ZNF787: variants seen among roughly 807,000 people sequenced by gnomAD.
ZNF787 encodes the protein zinc finger protein 787.
Under a neutral mutation model 16.9 loss-of-function variants are expected in ZNF787, and 7 were observed. That is an observed-to-expected ratio of 0.42 (90% CI 0.24 to 0.78). The LOEUF is 0.78. Among genes scored for constraint, ZNF787 ranks in the 30% least tolerant of loss-of-function variants. The pLI is 0.30. For synonymous variants in ZNF787, 345 were observed against 270.9 expected (o/e 1.27, Z -2.69); for missense variants, 551 against 589.3 (o/e 0.94, Z 0.67).
rs1285729721 is a variant in ZNF787 at position 56,088,062 on chromosome 19, G to A, written c.1110C>T (p.Gly370=). 9 of 1,124,678 alleles carry A rather than the reference G, an allele frequency of 8.0e-6. No individual in the cohort carries two copies. The highest frequency in any genetic ancestry group is 4.8e-5 in the African/African-American group (2 of 41,320). 69.7% of individuals were successfully genotyped at this position (1,124,678 alleles called of 1,614,324 possible). Residue 370 remains glycine (G), a synonymous_variant, in exon 3 of 3, where the codon GGC becomes GGT. Coordinates refer to ENST00000610935, the MANE Select transcript of ZNF787 (RefSeq NM_001002836.4). This position sits in a 1 kb window ranked among gnomAD's most constrained non-coding sequence, Gnocchi z 8.6. ...CACCGCGGCACTCGGGGCACCGCCC[G>A]CCCGCGGCCTCGTCGTCGTCGTCCT... is the stretch of plus-strand genomic sequence containing the variant. ...EEEDDDDEAA[G]GRCPECRGGE... is the part of the protein sequence containing the mutation.
intron 1 of ZNF787, among the ~76,000 whole-genome samples, chr19:56,109,181 G>A (rs77070554): frequency 0.048 from 7,287 of 152,236 alleles, 265 homozygotes; most frequent in Non-Finnish European, 0.073. Flanking sequence ...TGTATTAAGG[G>A]AAAAAGCCTA....
chr19:56,117,901 G>C (rs931432904), intron 1 of ZNF787, among the ~76,000 whole-genome samples: 3 of 152,206 alleles, frequency 2.0e-5, no homozygotes, highest in Non-Finnish European at 4.4e-5. Flanking sequence ...ACTATCCACT[G>C]CAAGGCCTCG....
intron 1 of ZNF787, among the ~76,000 whole-genome samples, chr19:56,119,599 G>T (rs2030229350): frequency 6.6e-6 from 1 of 152,236 alleles, no homozygotes; most frequent in African/African-American, 2.4e-5. Context: ...GGCCACGAAG[G>T]TGAGTGGTGG....
chr19:56,106,568 G>C (rs1052522419), intron 1 of ZNF787, among the ~76,000 whole-genome samples: 1 of 152,152 alleles, frequency 6.6e-6, no homozygotes, highest in Non-Finnish European at 1.5e-5. Context: ...CCCATGCTCC[G>C]GCCGTCTGGC....
In ZNF787 at chr19:56,087,463, G is replaced by C. The variant is rs523511; in HGVS notation, c.*560C>G. The C allele has an allele frequency of 0.27, 40,878 of 152,238 alleles. 5,861 individuals carry two copies. The highest frequency in any genetic ancestry group is 0.34 in the Middle Eastern group (100 of 294). The allele number at this position is 152,238 out of a possible 1,614,324, so 9.4% of individuals were successfully genotyped here. ...ACCCGCCTCCTGCGGCGCTGCCTCTGCTACCCGGAATCCAGGAGGGGAAGG... is the reference window on the plus strand; with the variant it reads ...ACCCGCCTCCTGCGGCGCTGCCTCTCCTACCCGGAATCCAGGAGGGGAAGG... On this transcript the variant is annotated 3_prime_UTR_variant, in exon 3 of 3. Coordinates refer to ENST00000610935, the MANE Select transcript of ZNF787 (RefSeq NM_001002836.4).
intron 2 of ZNF787, among the ~76,000 whole-genome samples, chr19:56,098,413 G>C (rs942661816): frequency 1.3e-5 from 2 of 152,220 alleles, no homozygotes; most frequent in East Asian, 3.9e-4. Context: ...CCATGCTGCA[G>C]GGTGATGCCA....
At position 56,109,863 on chromosome 19, in the gene ZNF787, G is replaced by A. The variant is rs1201964285; in HGVS notation, c.-10-6636C>T. Among the ~76,000 whole-genome samples, 5 of 151,996 alleles carry A rather than the reference G, an allele frequency of 3.3e-5. No individual in the cohort carries two copies. The East Asian group carries it at 7.8e-4, about 24-fold the overall frequency. ...CACGCCACTGCACTCCAGCCTGGGC[G>A]ACAAAGTGAGACTCCGTCTCAAAAA... On this transcript the variant is annotated intron_variant, in intron 1 of 2. Coordinates refer to ENST00000610935, the MANE Select transcript of ZNF787 (RefSeq NM_001002836.4).
intron 2 of ZNF787, chr19:56,102,055 T>TG (rs1341106586): frequency 1.3e-5 from 2 of 152,246 alleles, no homozygotes; most frequent in Admixed American, 6.5e-5. Flanking sequence ...AGGGAGCTTC[T>TG]GTTCATGCTC....
intron 2 of ZNF787, among the ~76,000 whole-genome samples, chr19:56,094,554 C>A (rs973626192): frequency 6.6e-6 from 1 of 151,554 alleles, no homozygotes; most frequent in Non-Finnish European, 1.5e-5. Flanking sequence ...TTCTTGAGTT[C>A]CTTCTACATT....
chr19:56,110,872 G>T (rs1042780304), intron 1 of ZNF787, among the ~76,000 whole-genome samples: 3 of 152,192 alleles, frequency 2.0e-5, no homozygotes, highest in East Asian at 1.9e-4. Flanking sequence ...GGGATCTGCC[G>T]CGAGCCAGGA....
At chr19:56,100,081 C>A (rs1986034530) in intron 2 of ZNF787, among the ~76,000 whole-genome samples, 1 of 152,012 alleles carries the variant, frequency 6.6e-6, no homozygotes, top group Non-Finnish European at 1.5e-5. Flanking sequence ...GGATGTATTC[C>A]CAGAGCAGGT....
At chr19:56,119,188 C>A (rs1022409128) in intron 1 of ZNF787, among the ~76,000 whole-genome samples, 16 of 152,322 alleles carry the variant, frequency 1.1e-4, no homozygotes, top group African/African-American at 3.4e-4. Flanking sequence ...CCAGGCTGGG[C>A]CAGGCACCTC....
intron 2 of ZNF787, among the ~76,000 whole-genome samples, chr19:56,094,575 C>CA (rs1351459708): frequency 6.6e-6 from 1 of 151,606 alleles, no homozygotes; most frequent in Non-Finnish European, 1.5e-5. Context: ...AGTCTTCATT[C>CA]TGAAAGGTTT....
intron 1 of ZNF787, among the ~76,000 whole-genome samples, chr19:56,106,304 G>A (rs1392258225): frequency 2.0e-5 from 3 of 152,216 alleles, no homozygotes; most frequent in Admixed American, 6.5e-5. Flanking sequence ...TCCACTGTAC[G>A]GCGGCCACAG....
chr19:56,100,954 A>G (rs1986072651), intron 2 of ZNF787, among the ~76,000 whole-genome samples: 1 of 140,410 alleles, frequency 7.1e-6, no homozygotes, highest in Non-Finnish European at 1.5e-5. Flanking sequence ...TCACTGTCAC[A>G]TAGGAGGGAC....
chr19:56,112,921 T>G (rs2030023720), intron 1 of ZNF787, among the ~76,000 whole-genome samples: 1 of 131,400 alleles, frequency 7.6e-6, no homozygotes, highest in African/African-American at 2.8e-5. Context: ...TCTGGCCCTT[T>G]CCTCCCTCCC....
At chr19:56,108,088 G>A (rs545380743) in intron 1 of ZNF787, among the ~76,000 whole-genome samples, 10 of 152,182 alleles carry the variant, frequency 6.6e-5, no homozygotes, top group East Asian at 5.8e-4. Flanking sequence ...CAGCACTGGC[G>A]GCAGCAGCCA....
intron 2 of ZNF787, among the ~76,000 whole-genome samples, chr19:56,098,368 A>G (rs918701678): frequency 6.6e-6 from 1 of 151,828 alleles, no homozygotes; most frequent in Non-Finnish European, 1.5e-5. Flanking sequence ...CTCCTCTCAC[A>G]CTCCTCAGAA....
intron 1 of ZNF787, among the ~76,000 whole-genome samples, chr19:56,109,896 T>C (rs2029930154): frequency 6.6e-6 from 1 of 151,562 alleles, no homozygotes; most frequent in African/African-American, 2.4e-5. Context: ...AAAAATAAAA[T>C]AACATTCGTA....
Sources: gnomAD v4.1 joint callset for allele counts (sites outside exome capture counted in the v4.1 genomes callset) on GRCh38, gnomAD v4.1.1 for gene constraint, Gnocchi (gnomAD v3.1) non-coding constraint, MANE v1.5 for transcripts, NCBI Gene and HGNC (gene_info 2026-07-23, HGNC 2026-07-21) for gene names.